Variants in LRRC1 observed in about 807,000 individuals in gnomAD.
LRRC1 encodes the protein leucine-rich repeat-containing protein 1.
A neutral mutation model predicts 69.9 loss-of-function variants in LRRC1; 28 were observed. The ratio of observed to expected loss-of-function variants is 0.40; its 90% CI spans 0.30 to 0.55. The LOEUF (loss-of-function observed/expected upper bound fraction) is 0.55. LRRC1 is among the 20% of genes least tolerant of loss of function. The pLI is 0.47. For missense variants in LRRC1, 498 were observed against 609.0 expected, an observed-to-expected ratio of 0.82 and a Z score of 1.92; for synonymous variants, 236 against 240.2, an observed-to-expected ratio of 0.98 and a Z score of 0.16.
chr6:53,814,211 CT>C (rs2127406640), intron 1 of LRRC1, among the ~76,000 whole-genome samples: 2 of 152,158 alleles, frequency 1.3e-5, no homozygotes, highest in South Asian at 4.2e-4. Context: ...TTAGTAAAAT[CT>C]TCTATTTTCT....
At position 53,896,445 on chromosome 6, in the gene LRRC1, G is replaced by A. The variant is rs1308648690; in HGVS notation, c.447-53G>A. The A allele has an allele frequency of 3.4e-6, 5 of 1,464,144 alleles. No homozygotes were observed. In the Admixed American group the frequency reaches 8.4e-5, roughly 25 times the overall value. The allele number at this position is 1,464,144 out of a possible 1,614,324, so 90.7% of individuals were successfully genotyped here. ...TGTGTGTATGGGGGAAGGGAGGTAG[G>A]AAGAATCTCAGGAATTTCTCTTATG... On this transcript the variant is annotated intron_variant, in intron 4 of 13. Transcript: ENST00000370888.
At chr6:53,878,065 T>C (rs544260590) in intron 2 of LRRC1, among the ~76,000 whole-genome samples, 4 of 152,292 alleles carry the variant, frequency 2.6e-5, no homozygotes, top group African/African-American at 9.6e-5. Flanking sequence ...ACATCTTATG[T>C]GGATGACGAC....
intron 1 of LRRC1, among the ~76,000 whole-genome samples, chr6:53,829,519 G>T (rs953317266): frequency 6.6e-6 from 1 of 152,160 alleles, no homozygotes; most frequent in Non-Finnish European, 1.5e-5. Flanking sequence ...TGAGTTGTGG[G>T]CCTGGAATAC....
intron 11 of LRRC1, among the ~76,000 whole-genome samples, chr6:53,915,656 A>G (rs1176656961): frequency 6.6e-6 from 1 of 152,218 alleles, no homozygotes; most frequent in Non-Finnish European, 1.5e-5. Context: ...CCATTTCTCC[A>G]GTTCTCAGAA....
At chr6:53,829,531 A>G (rs55678884) in intron 1 of LRRC1, among the ~76,000 whole-genome samples, 18,028 of 152,244 alleles carry the variant, frequency 0.12, 1,322 homozygotes, top group Non-Finnish European at 0.17. Flanking sequence ...CTGGAATACC[A>G]GGCTGTGGAA....
chr6:53,803,575 A>AGT (rs897736791), intron 1 of LRRC1, among the ~76,000 whole-genome samples: 2 of 147,320 alleles, frequency 1.4e-5, no homozygotes, highest in Non-Finnish European at 3.1e-5. Context: ...GATCTAATAG[A>AGT]GTGTGTGTGT....
At chr6:53,866,990 G>A (rs888812321) in intron 2 of LRRC1, among the ~76,000 whole-genome samples, 1 of 151,794 alleles carries the variant, frequency 6.6e-6, no homozygotes, top group African/African-American at 2.4e-5. Flanking sequence ...CAGGTGGCAC[G>A]CGTCTCTTCA....
chr6:53,843,126 A>G (rs1765840201), intron 2 of LRRC1, among the ~76,000 whole-genome samples: 1 of 152,176 alleles, frequency 6.6e-6, no homozygotes, highest in South Asian at 2.1e-4. Context: ...ACCCTGGTAC[A>G]ATTTCCTTAG....
chr6:53,827,426 A>T (rs1765304069), intron 1 of LRRC1, among the ~76,000 whole-genome samples: 1 of 151,976 alleles, frequency 6.6e-6, no homozygotes, highest in African/African-American at 2.4e-5. Context: ...TAGTGTGTAT[A>T]ATATGGTTTA....
chr6:53,867,109 A>G (rs1766726392), intron 2 of LRRC1, among the ~76,000 whole-genome samples: 1 of 152,050 alleles, frequency 6.6e-6, no homozygotes, highest in Admixed American at 6.5e-5. Flanking sequence ...CAGCTGTGTA[A>G]ACTTGGACGA....
At position 53,923,968 on chromosome 6, in the gene LRRC1, A is replaced by G. The variant is rs1768811465; in HGVS notation, c.*1175A>G. The G allele has an allele frequency of 6.5e-6, 1 of 152,676 alleles. No homozygotes were observed. The highest frequency in any genetic ancestry group is 2.4e-5 in the African/African-American group (1 of 41,466). The allele number at this position is 152,676 out of a possible 1,614,324, so 9.5% of individuals were successfully genotyped here. On this transcript the variant is annotated 3_prime_UTR_variant, in exon 14 of 14. Transcript: ENST00000370888. ...GATTTAATTTTAAATCTGCTAATTT[A>G]AGGGATATTGGGAAAAGTTTTGGTG...
chr6:53,884,513 G>GC (rs1054729048), intron 4 of LRRC1, among the ~76,000 whole-genome samples: 1 of 151,512 alleles, frequency 6.6e-6, no homozygotes, highest in African/African-American at 2.4e-5. Flanking sequence ...TCCCCGCTTT[G>GC]CCCCCCCTAC....
chr6:53,913,734 T>C, intron 10 of LRRC1, 120 bp from the exon 11 acceptor site: 1 of 505,588 alleles, frequency 2.0e-6, no homozygotes, highest in East Asian at 2.9e-5. Context: ...GTGAGACCGG[T>C]GAGTTATGTG....
chr6:53,891,620 G>A (rs1432768553), intron 4 of LRRC1, among the ~76,000 whole-genome samples: 3 of 151,992 alleles, frequency 2.0e-5, no homozygotes, highest in Admixed American at 6.6e-5. Context: ...CTGTGAAAAC[G>A]GTTTGGTAGT....
intron 13 of LRRC1, 47 bp from the exon 14 acceptor site, chr6:53,922,588 A>C (rs1768770270): frequency 6.5e-7 from 1 of 1,538,038 alleles, no homozygotes; most frequent in Non-Finnish European, 8.8e-7. Flanking sequence ...GTTTTGAAAA[A>C]AGTAGTGGAA....
intron 1 of LRRC1, among the ~76,000 whole-genome samples, chr6:53,819,245 G>C (rs1446144960): frequency 6.6e-6 from 1 of 152,120 alleles, no homozygotes. Context: ...AAGGAAGTTC[G>C]GGTATCTTTT....
rs145760239 is a variant in LRRC1 at position 53,837,021 on chromosome 6, C to T, written c.160-5089C>T. On this transcript the variant is annotated intron_variant, in intron 1 of 13. Coordinates refer to ENST00000370888, the MANE Select transcript of LRRC1 (RefSeq NM_018214.5). Reference sequence around the variant, plus strand: ...TGGCTTTATTCACTGAACATTATCTCTAAGATTCATCCATGTCATAACTAA... The same window carrying T: ...TGGCTTTATTCACTGAACATTATCTTTAAGATTCATCCATGTCATAACTAA... Among the ~76,000 whole-genome samples the T allele has an allele frequency of 2.8e-3, 422 of 152,212 alleles. 3 individuals carry two copies. The highest frequency in any genetic ancestry group is 9.6e-3 in the African/African-American group (398 of 41,534).
chr6:53,917,455 G>T (rs1768603153), intron 11 of LRRC1, among the ~76,000 whole-genome samples: 1 of 152,206 alleles, frequency 6.6e-6, no homozygotes, highest in Admixed American at 6.5e-5. Flanking sequence ...TTGTTGTAGA[G>T]TCTAATAATT....
chr6:53,829,099 T>A (rs905517102), intron 1 of LRRC1, among the ~76,000 whole-genome samples: 4 of 152,010 alleles, frequency 2.6e-5, no homozygotes, highest in African/African-American at 9.7e-5. Flanking sequence ...TGTTGGGGAG[T>A]TGGGATTATG....
Sources: gnomAD v4.1 joint callset for allele counts (sites outside exome capture counted in the v4.1 genomes callset) on GRCh38, gnomAD v4.1.1 for gene constraint, MANE v1.5 for transcripts, NCBI Gene and HGNC (gene_info 2026-07-23, HGNC 2026-07-21) for gene names.